Variants in APBA2 observed in about 807,000 individuals in gnomAD.
The protein encoded by APBA2 is amyloid-beta A4 precursor protein-binding family A member 2.
Under a neutral mutation model 75.0 loss-of-function variants are expected in APBA2, and 30 were observed. That is an observed-to-expected ratio of 0.40 (90% CI 0.30 to 0.54). The LOEUF (loss-of-function observed/expected upper bound fraction) is 0.54, where lower values mean the gene tolerates loss of function less well. Ranked by LOEUF, APBA2 falls within the 20% of genes least tolerant of loss-of-function variation. APBA2 has a pLI of 0.49. For missense variants in APBA2, 801 were observed against 1,016.1 expected (o/e 0.79, Z 2.88); for synonymous variants, 444 against 409.6 (o/e 1.08, Z -1.01).
rs1282145939 is a variant in APBA2 at position 29,117,433 on chromosome 15, G to A, written c.*300G>A. ...GGGTGTGTCTCGGTAGCTGTGCGTG[G>A]TGTGGAGTGTGTGTCTTTCCTCCCT... On this transcript the variant is annotated 3_prime_UTR_variant, in exon 15 of 15. Transcript: ENST00000683413. The A allele has an allele frequency of 1.3e-5, 6 of 470,914 alleles. No homozygotes were observed. The highest frequency in any genetic ancestry group is 2.3e-5 in the Non-Finnish European group (6 of 256,316). The allele number at this position is 470,914 out of a possible 1,614,324, so 29.2% of individuals were successfully genotyped here.
At chr15:28,953,935 G>A (rs1404477977) in intron 2 of APBA2, among the ~76,000 whole-genome samples, 1 of 152,106 alleles carries the variant, frequency 6.6e-6, no homozygotes, top group African/African-American at 2.4e-5. Context: ...CCTCCAGACT[G>A]TACACCCTGT....
intron 8 of APBA2, among the ~76,000 whole-genome samples, chr15:29,097,160 GAAGGA>G (rs1239404705): frequency 6.6e-6 from 1 of 152,266 alleles, no homozygotes; most frequent in Non-Finnish European, 1.5e-5. Flanking sequence ...GATTAAATCA[GAAGGA>G]AAGGCTGACA....
At chr15:29,068,459 C>T (rs564065693) in intron 4 of APBA2, among the ~76,000 whole-genome samples, 2 of 152,362 alleles carry the variant, frequency 1.3e-5, no homozygotes, top group South Asian at 4.1e-4. Flanking sequence ...CCGGTCTCAG[C>T]CCTGCAGAAA....
At chr15:28,949,321 G>C (rs989051433) in intron 2 of APBA2, among the ~76,000 whole-genome samples, 3 of 152,192 alleles carry the variant, frequency 2.0e-5, no homozygotes, top group African/African-American at 7.2e-5. Flanking sequence ...AGATTCAGTG[G>C]AGGCAGCAAG....
chr15:29,010,461 T>C (rs1180737450), intron 3 of APBA2, among the ~76,000 whole-genome samples: 1 of 152,148 alleles, frequency 6.6e-6, no homozygotes, highest in Non-Finnish European at 1.5e-5. Context: ...GGTTTCACCG[T>C]GTTAGCCAGG....
At chr15:28,940,354 T>TAAAAAA (rs2035128822) in intron 2 of APBA2, among the ~76,000 whole-genome samples, 1 of 5,922 alleles carries the variant, frequency 1.7e-4, no homozygotes, top group Non-Finnish European at 3.7e-4. Context: ...CTACTAAAAA[T>TAAAAAA]ACAAAAAAAA....
chr15:28,996,555 T>A (rs2038533614), intron 3 of APBA2, among the ~76,000 whole-genome samples: 1 of 152,204 alleles, frequency 6.6e-6, no homozygotes, highest in African/African-American at 2.4e-5. Context: ...ATTGGCTGTC[T>A]TCTTCTGTGG....
chr15:28,959,270 A>G (rs999241757), intron 2 of APBA2, among the ~76,000 whole-genome samples: 1 of 152,228 alleles, frequency 6.6e-6, no homozygotes. Context: ...TACAGGCATG[A>G]GCCTCCGCAT....
At position 29,117,334 on chromosome 15, in the gene APBA2, A is replaced by G. The variant is rs555807048; in HGVS notation, c.*201A>G. The G allele has an allele frequency of 6.3e-5, 38 of 604,542 alleles. No homozygotes were observed. In the South Asian group the frequency reaches 7.2e-4, roughly 11 times the overall value. The allele number at this position is 604,542 out of a possible 1,614,324, so 37.4% of individuals were successfully genotyped here. A position where few individuals can be genotyped will look rare whatever the true frequency, so the allele number is the denominator to read the frequency against. On this transcript the variant is annotated 3_prime_UTR_variant, in exon 15 of 15. Transcript: ENST00000683413. The stretch of plus-strand genomic sequence containing the variant: ...TATGTCTTTATCAAAGGAGAGTCAC[A>G]GAACAAATGTTTGTTTGTAAAGCGT...
rs567264428 is a variant in APBA2 at position 28,984,587 on chromosome 15, A to G, written c.-94-11166A>G. Among the ~76,000 whole-genome samples, 41 of 151,886 alleles carry G rather than the reference A, an allele frequency of 2.7e-4. 1 individual carries two copies. The highest frequency in any genetic ancestry group is 4.2e-4 in the South Asian group (2 of 4,776). ...ACCAGTGGAGGGGCGCGCTGTGGTT[A>G]CCACTCATTAGAAGAGAGGCAGGGT... On this transcript the variant is annotated intron_variant, in intron 2 of 14. Coordinates refer to ENST00000683413, the MANE Select transcript of APBA2 (RefSeq NM_001353788.2).
chr15:29,035,398 C>T (rs184984976), intron 3 of APBA2, among the ~76,000 whole-genome samples: 1 of 147,322 alleles, frequency 6.8e-6, no homozygotes, highest in African/African-American at 2.6e-5. Context: ...CATGAATCGA[C>T]TACTATCTCA....
At chr15:28,945,373 G>A (rs1422722813) in intron 2 of APBA2, among the ~76,000 whole-genome samples, 1 of 152,112 alleles carries the variant, frequency 6.6e-6, no homozygotes, top group Admixed American at 6.5e-5. Flanking sequence ...AACCACTCTG[G>A]GTGATGTCGT....
intron 4 of APBA2, among the ~76,000 whole-genome samples, chr15:29,062,969 G>A (rs2042199022): frequency 7.1e-6 from 1 of 141,306 alleles, no homozygotes; most frequent in Non-Finnish European, 1.5e-5. Context: ...GTCAGTGTCT[G>A]TATGGGTGGG....
At chr15:28,963,355 T>C (rs1419486482) in intron 2 of APBA2, among the ~76,000 whole-genome samples, 1 of 152,218 alleles carries the variant, frequency 6.6e-6, no homozygotes, top group Non-Finnish European at 1.5e-5. Flanking sequence ...TTGAAGATCC[T>C]CAGCCAGTGA....
chr15:29,006,146 C>A (rs906057157), intron 3 of APBA2, among the ~76,000 whole-genome samples: 18 of 152,184 alleles, frequency 1.2e-4, no homozygotes, highest in Admixed American at 3.9e-4. Flanking sequence ...GTGAAATTTT[C>A]TCTCTTTTCA....
At chr15:29,078,371 G>A (rs758060547) in intron 6 of APBA2, among the ~76,000 whole-genome samples, 1 of 152,234 alleles carries the variant, frequency 6.6e-6, no homozygotes, top group Non-Finnish European at 1.5e-5. Context: ...CCAGCACTTT[G>A]GGAGGCCAAG....
At chr15:28,930,580 C>T (rs1566809629) in intron 2 of APBA2, among the ~76,000 whole-genome samples, 2 of 151,678 alleles carry the variant, frequency 1.3e-5, no homozygotes, top group African/African-American at 2.4e-5. Context: ...CTGTGTGTCT[C>T]CTTCTTTCTT....
intron 2 of APBA2, among the ~76,000 whole-genome samples, chr15:28,924,719 G>A (rs1278117873): frequency 6.6e-6 from 1 of 152,180 alleles, no homozygotes; most frequent in Non-Finnish European, 1.5e-5. Context: ...GCAGCTGTGA[G>A]TGTGTGTGGA....
chr15:28,950,768 T>G (rs1271223466), intron 2 of APBA2, among the ~76,000 whole-genome samples: 1 of 152,234 alleles, frequency 6.6e-6, no homozygotes, highest in Admixed American at 6.5e-5. Context: ...GATATCTGTA[T>G]AAATTATTTG....
Sources: gnomAD v4.1 joint callset for allele counts (sites outside exome capture counted in the v4.1 genomes callset) on GRCh38, gnomAD v4.1.1 for gene constraint, MANE v1.5 for transcripts, NCBI Gene and HGNC (gene_info 2026-07-23, HGNC 2026-07-21) for gene names.